Variants in PRKN observed in about 807,000 individuals in gnomAD.
PRKN encodes E3 ubiquitin-protein ligase parkin.
A neutral mutation model predicts 59.5 loss-of-function variants in PRKN; 56 were observed. The ratio of observed to expected loss-of-function variants is 0.94; its 90% CI spans 0.76 to 1.18. The LOEUF (loss-of-function observed/expected upper bound fraction) is 1.18, where lower values mean the gene tolerates loss of function less well. Among genes scored for constraint, PRKN ranks in the 50% most tolerant of loss-of-function variants. The probability of loss-of-function intolerance (pLI) is 0.00; values close to 1 mark genes in which losing one functional copy is unlikely to be tolerated. For missense variants in PRKN, 657 were observed against 596.4 expected (o/e 1.10, Z -1.06); for synonymous variants, 250 against 222.1 (o/e 1.13, Z -1.12).
chr6:161,641,916 A>G (rs1271336318), intron 7 of PRKN, among the ~76,000 whole-genome samples: 1 of 152,160 alleles, frequency 6.6e-6, no homozygotes, highest in Admixed American at 6.5e-5. Context: ...CTCATTACCA[A>G]ACATTTCCCA....
chr6:162,196,252 C>A (rs981060094), intron 4 of PRKN, among the ~76,000 whole-genome samples: 4 of 152,066 alleles, frequency 2.6e-5, no homozygotes. Flanking sequence ...GCCATGGAGT[C>A]AAATTAACCT....
intron 6 of PRKN, among the ~76,000 whole-genome samples, chr6:161,847,436 G>C (rs937185359): frequency 2.6e-5 from 4 of 152,170 alleles, no homozygotes; most frequent in Admixed American, 2.0e-4. Flanking sequence ...CCTTGCCCAA[G>C]GGCAGAGAAG....
Position 161,527,610 on chromosome 6 carries a change from A to C in PRKN, c.1083+21244T>G, listed in dbSNP as rs954812649. Among the ~76,000 whole-genome samples, 9 of 152,126 alleles carry C rather than the reference A, an allele frequency of 5.9e-5. No individual in the cohort carries two copies. The highest frequency in any genetic ancestry group is 2.1e-4 in the South Asian group (1 of 4,830). ...GGTAGTAGCACCTTGTAAAATCTAA[A>C]AGGTGGGGAGGCAAAGAGGACACGC... On this transcript the variant is annotated intron_variant, in intron 9 of 11. Coordinates refer to ENST00000366898, the MANE Select transcript of PRKN (RefSeq NM_004562.3). The surrounding 1 kb of genome is among the most constrained non-coding windows in gnomAD (Gnocchi z 4.6).
At chr6:161,531,529 G>A (rs1010391150) in intron 9 of PRKN, among the ~76,000 whole-genome samples, 1 of 152,188 alleles carries the variant, frequency 6.6e-6, no homozygotes, top group Non-Finnish European at 1.5e-5. Context: ...AGTGTCCCAA[G>A]GTAGGTGGCC....
chr6:161,364,473 C>CAAAAAAAAAAAAA (rs57773007), intron 10 of PRKN, among the ~76,000 whole-genome samples: 1 of 37,898 alleles, frequency 2.6e-5, no homozygotes, highest in African/African-American at 1.2e-4. Context: ...ACCCGCCCCG[C>CAAAAAAAAAAAAA]AAAAAAAAAA....
chr6:161,885,864 C>G (rs1471244455), intron 6 of PRKN, among the ~76,000 whole-genome samples: 3 of 152,184 alleles, frequency 2.0e-5, no homozygotes, highest in Non-Finnish European at 4.4e-5. Flanking sequence ...GACTCTATGT[C>G]CCAAGTTTGA....
At chr6:162,026,006 C>A (rs1205731557) in intron 5 of PRKN, among the ~76,000 whole-genome samples, 1 of 152,084 alleles carries the variant, frequency 6.6e-6, no homozygotes, top group Non-Finnish European at 1.5e-5. Context: ...GTTAACAATC[C>A]TTTCTTAGCA....
intron 1 of PRKN, among the ~76,000 whole-genome samples, chr6:162,527,340 G>A (rs1294989318): frequency 6.6e-6 from 1 of 152,128 alleles, no homozygotes; most frequent in Non-Finnish European, 1.5e-5. Context: ...AACAGTCTTC[G>A]AAGGTATGCA....
At chr6:162,387,910 G>A (rs1786937160) in intron 2 of PRKN, among the ~76,000 whole-genome samples, 1 of 152,192 alleles carries the variant, frequency 6.6e-6, no homozygotes, top group South Asian at 2.1e-4. Flanking sequence ...AGCGCTGTCT[G>A]TGCTAACTCC....
chr6:162,587,099 T>C (rs763025852), intron 1 of PRKN, among the ~76,000 whole-genome samples: 1 of 152,230 alleles, frequency 6.6e-6, no homozygotes, highest in Non-Finnish European at 1.5e-5. Flanking sequence ...TTAAAATGTT[T>C]TTATAAGAAC....
intron 7 of PRKN, among the ~76,000 whole-genome samples, chr6:161,755,755 C>A (rs1788889407): frequency 6.6e-6 from 1 of 152,070 alleles, no homozygotes; most frequent in African/African-American, 2.4e-5. Flanking sequence ...CCAGAACTTC[C>A]TCATTTCACA....
intron 6 of PRKN, among the ~76,000 whole-genome samples, chr6:161,968,170 G>A (rs996351582): frequency 4.0e-5 from 6 of 149,108 alleles, no homozygotes; most frequent in Non-Finnish European, 7.4e-5. Context: ...ACAGGCGCGC[G>A]CCACCATGCC....
In PRKN at chr6:161,357,267, G is replaced by C. The variant is rs1391968476; in HGVS notation, c.1285+2821C>G. Among the ~76,000 whole-genome samples the C allele has an allele frequency of 6.6e-6, 1 of 152,142 alleles. No homozygotes were observed. The highest frequency in any genetic ancestry group is 1.5e-5 in the Non-Finnish European group (1 of 68,026). ...GGGTTTCGCCATGTTGGCCAGGCTG[G>C]TCTCGAACTCCTGACCTCAGGTGAT... is the stretch of plus-strand genomic sequence containing the variant. On this transcript the variant is annotated intron_variant, in intron 11 of 11. Coordinates refer to ENST00000366898, the MANE Select transcript of PRKN (RefSeq NM_004562.3). The surrounding 1 kb of genome is among the most constrained non-coding windows in gnomAD (Gnocchi z 5.5).
At position 161,497,626 on chromosome 6, in the gene PRKN, T is replaced by C. The variant is rs74527468; in HGVS notation, c.1083+51228A>G. ...TATCCCACTTACAGACTGAATACTTTGCACCACAAAGTATTTTCAGCTGCT... is the reference window on the plus strand; with the variant it reads ...TATCCCACTTACAGACTGAATACTTCGCACCACAAAGTATTTTCAGCTGCT... On this transcript the variant is annotated intron_variant, in intron 9 of 11. Coordinates refer to ENST00000366898, the MANE Select transcript of PRKN (RefSeq NM_004562.3). This position sits in a 1 kb window ranked among gnomAD's most constrained non-coding sequence, Gnocchi z 4.6. Among the ~76,000 whole-genome samples, 58 of 152,028 alleles carry C rather than the reference T, an allele frequency of 3.8e-4. 4 individuals are homozygous for C. The East Asian group carries it at 0.011, about 29-fold the overall frequency.
intron 5 of PRKN, among the ~76,000 whole-genome samples, chr6:162,017,077 T>A (rs371605450): frequency 5.3e-5 from 8 of 152,308 alleles, no homozygotes; most frequent in South Asian, 2.1e-4. Flanking sequence ...GATCATAGCA[T>A]GTGGATTAAT....
At chr6:161,709,990 T>C (rs944471516) in intron 7 of PRKN, among the ~76,000 whole-genome samples, 1 of 152,140 alleles carries the variant, frequency 6.6e-6, no homozygotes, top group East Asian at 1.9e-4. Flanking sequence ...TTCATGGAGA[T>C]TTCAGTGAGC....
chr6:161,733,168 GA>G (rs1787793995), intron 7 of PRKN, among the ~76,000 whole-genome samples: 1 of 152,088 alleles, frequency 6.6e-6, no homozygotes, highest in South Asian at 2.1e-4. Context: ...AGCTACCTAG[GA>G]AAAATATGTC....
At chr6:162,556,616 G>A (rs1893105) in intron 1 of PRKN, among the ~76,000 whole-genome samples, 44,989 of 151,052 alleles carry the variant, frequency 0.3, 7,120 homozygotes, top group East Asian at 0.49. Flanking sequence ...ATGCAGTGGC[G>A]TGCACCTGTA....
chr6:162,714,563 C>T (rs777418546), intron 1 of PRKN, among the ~76,000 whole-genome samples: 6 of 152,260 alleles, frequency 3.9e-5, no homozygotes, highest in East Asian at 1.9e-4. Context: ...CCATCAATCA[C>T]GGAGTAGCCT....
Sources: allele counts gnomAD v4.1 joint callset (sites outside exome capture counted in the v4.1 genomes callset), GRCh38; gene constraint gnomAD v4.1.1; non-coding constraint Gnocchi (gnomAD v3.1); transcripts MANE v1.5; gene names NCBI Gene and HGNC (gene_info 2026-07-23, HGNC 2026-07-21).